The following POLR3E variants were observed in gnomAD, a reference collection of about 807,000 sequenced individuals.
The protein encoded by POLR3E is RNA polymerase III subunit E, also known as DNA-directed RNA polymerase III subunit RPC5.
Under a neutral mutation model 96.6 loss-of-function variants are expected in POLR3E, and 41 were observed. The observed-to-expected ratio is 0.42, with a 90% CI of 0.33 to 0.55. POLR3E has a LOEUF of 0.55. POLR3E is among the 20% of genes least tolerant of loss of function. POLR3E has a pLI of 0.06. For synonymous variants in POLR3E, 396 were observed against 383.6 expected (o/e 1.03, Z -0.38); for missense variants, 849 against 952.1 (o/e 0.89, Z 1.43).
intron 1 of POLR3E, among the ~76,000 whole-genome samples, chr16:22,301,983 T>C (rs987236078): frequency 3.3e-5 from 5 of 151,868 alleles, no homozygotes; most frequent in Non-Finnish European, 7.4e-5. Context: ...TGGGAACTGC[T>C]GAGGCCTGGG....
intron 20 of POLR3E, among the ~76,000 whole-genome samples, chr16:22,332,400 T>TAGTC (rs2141828466): frequency 6.6e-6 from 1 of 152,296 alleles, no homozygotes; most frequent in Non-Finnish European, 1.5e-5. Flanking sequence ...TCAAACAATA[T>TAGTC]AGTCACAGTG....
At position 22,308,340 on chromosome 16, in the gene POLR3E, C is replaced by T. The variant is rs1598243499; in HGVS notation, c.165+115C>T. On this transcript the variant is annotated intron_variant, in intron 4 of 20. Transcript: ENST00000299853. ...ATTGGAGAAGTAGGAGAACCAGCAA[C>T]TCCCAGGCCCTTGAAAGCTGAAGAA... 3.7e-6 allele frequency: 3 copies of T among 802,888 alleles called. 1 individual carries two copies. The highest frequency in any genetic ancestry group is 2.8e-5 in the South Asian group (2 of 71,084). The allele number at this position is 802,888 out of a possible 1,614,324, so 49.7% of individuals were successfully genotyped here.
At chr16:22,309,548 A>G (rs765928319) in intron 6 of POLR3E, 38 bp downstream of exon 6, 108 of 1,050,682 alleles carry the variant, frequency 1.0e-4, no homozygotes, top group Non-Finnish European at 1.5e-4. Flanking sequence ...GGGACATGGC[A>G]TTGGGGGGGG....
intron 18 of POLR3E, chr16:22,327,220 G>A (rs1303783302): frequency 6.6e-6 from 1 of 152,326 alleles, no homozygotes; most frequent in Non-Finnish European, 1.5e-5. Flanking sequence ...CTGAGGCCAA[G>A]GCCCATCCCT....
intron 10 of POLR3E, 48 bp downstream of exon 10, chr16:22,316,734 C>T: frequency 1.4e-6 from 2 of 1,458,402 alleles, no homozygotes; most frequent in Admixed American, 3.3e-5. Context: ...GCCCAGGGTC[C>T]CCAGGGGTCC....
intron 2 of POLR3E, among the ~76,000 whole-genome samples, chr16:22,303,955 C>T (rs2048082628): frequency 1.3e-5 from 2 of 151,318 alleles, no homozygotes; most frequent in Middle Eastern, 3.4e-3. Flanking sequence ...GGATTACGGG[C>T]GCCCGCCACT....
At position 22,328,946 on chromosome 16, in the gene POLR3E, T is replaced by A. The variant is rs1435530667; in HGVS notation, c.1944+359T>A. 2.3e-5 allele frequency: 6 copies of A among 261,794 alleles called. No homozygotes were observed. In the Admixed American group the frequency reaches 2.9e-4, roughly 13 times the overall value. 16.2% of individuals were successfully genotyped at this position (261,794 alleles called of 1,614,324 possible). A position where few individuals can be genotyped will look rare whatever the true frequency, so the allele number is the denominator to read the frequency against. On this transcript the variant is annotated intron_variant, in intron 19 of 20. Coordinates refer to ENST00000299853, the MANE Select transcript of POLR3E (RefSeq NM_018119.4). The stretch of plus-strand genomic sequence containing the variant: ...TTTGACACCAGCCTGACCAATATGG[T>A]GAAACCCCATCTCTACTAAAAATGC...
In POLR3E at chr16:22,330,815, C is replaced by CA. The variant is rs772132687; in HGVS notation, c.1945-1236dup. Among the ~76,000 whole-genome samples the CA allele has an allele frequency of 3.7e-3, 543 of 148,620 alleles. 7 individuals carry two copies. The highest frequency in any genetic ancestry group is 0.01 in the Middle Eastern group (3 of 288). ...AGTCAGCTGTTTACATGAACCATAGCAAAAAAAAAGGAGAATCAAATCCAT... is the reference window on the plus strand; with the variant it reads ...AGTCAGCTGTTTACATGAACCATAGCAAAAAAAAAAGGAGAATCAAATCCAT... On this transcript the variant is annotated intron_variant, in intron 19 of 20. Coordinates refer to ENST00000299853, the MANE Select transcript of POLR3E (RefSeq NM_018119.4).
At chr16:22,327,097 C>G (rs887579253) in intron 18 of POLR3E, 4 of 152,594 alleles carry the variant, frequency 2.6e-5, no homozygotes, top group Non-Finnish European at 4.4e-5. Flanking sequence ...CCACAAGGCT[C>G]TGCCCAGACC....
chr16:22,303,154 C>T (rs898107552), intron 2 of POLR3E, 150 bp downstream of exon 2: 14 of 761,988 alleles, frequency 1.8e-5, no homozygotes, highest in Admixed American at 2.0e-5. Flanking sequence ...CTGCTGTCCC[C>T]CAGACCCCTG....
At chr16:22,327,339 G>A (rs975866280) in intron 18 of POLR3E, 5 of 152,298 alleles carry the variant, frequency 3.3e-5, no homozygotes, top group African/African-American at 9.7e-5. Context: ...GGCAGAGTTC[G>A]GAGCTCCTGC....
At chr16:22,298,167 T>C (rs2047936032) in intron 1 of POLR3E, among the ~76,000 whole-genome samples, 1 of 152,250 alleles carries the variant, frequency 6.6e-6, no homozygotes, top group South Asian at 2.1e-4. Context: ...AACAAGGTCG[T>C]TCCTTTGGGT....
Position 22,302,922 on chromosome 16 carries a change from C to T in POLR3E, c.-38-9C>T, listed in dbSNP as rs765841054. ...ACTGATGGTCCCAGTCTCTCGCCCT[C>T]CTTTGCAGATCGAGCTGAAGGACTG... On this transcript the variant is annotated splice_polypyrimidine_tract_variant and intron_variant, in intron 1 of 20. Transcript: ENST00000299853. The T allele has an allele frequency of 3.2e-6, 5 of 1,581,176 alleles. No individual in the cohort carries two copies. The highest frequency in any genetic ancestry group is 1.1e-5 in the South Asian group (1 of 90,478).
intron 9 of POLR3E, among the ~76,000 whole-genome samples, chr16:22,316,293 T>C (rs2048354559): frequency 6.6e-6 from 1 of 152,200 alleles, no homozygotes; most frequent in Non-Finnish European, 1.5e-5. Flanking sequence ...TTAGTATATT[T>C]ACAGTCAGTG....
At chr16:22,309,534 G>A (rs376855287) in intron 6 of POLR3E, 24 bp downstream of exon 6, 54 of 1,554,356 alleles carry the variant, frequency 3.5e-5, no homozygotes, top group African/African-American at 1.6e-4. Flanking sequence ...GGTGTCCCGC[G>A]GTGGGGACAT....
Position 22,308,925 on chromosome 16 carries a change from G to T in POLR3E, c.166G>T (p.Val56Leu). Residue 56 changes from valine to leucine, a missense_variant and splice_region_variant, in exon 5 of 21, where the codon GTA becomes TTA. Physicochemically the swap from Val to Leu is conservative, Grantham distance 32. Coordinates refer to ENST00000299853, the MANE Select transcript of POLR3E (RefSeq NM_018119.4). ...SAKIKPKQQK[V>L]ELEMAIDTLN... is the part of the protein sequence containing the mutation. ...TGGTGGGGGTGCTTGGTGCCTCCAG[G>T]TAGAGCTTGAGATGGCCATCGACAC... 1.2e-6 allele frequency: 2 copies of T among 1,610,354 alleles called. No individual in the cohort carries two copies. Among genetic ancestry groups the T allele is most frequent in the South Asian group, 2.2e-5 (2 of 90,978 alleles).
rs929940028 is a variant in POLR3E at position 22,326,442 on chromosome 16, C to G, written c.1866+164C>G. 1.7e-5 allele frequency: 11 copies of G among 662,714 alleles called. No homozygotes were observed. The South Asian group carries it at 1.9e-4, about 11-fold the overall frequency. The allele number at this position is 662,714 out of a possible 1,614,324, so 41.1% of individuals were successfully genotyped here. On this transcript the variant is annotated intron_variant, in intron 18 of 20. Coordinates refer to ENST00000299853, the MANE Select transcript of POLR3E (RefSeq NM_018119.4). ...GTCAGCCTCTCTGAGGCTCTATTCT[C>G]ATGAAATGGGATCATGTTGGGTTTT... is the stretch of plus-strand genomic sequence containing the variant.
At chr16:22,305,991 CCA>C (rs1358493108) in intron 3 of POLR3E, among the ~76,000 whole-genome samples, 1 of 152,160 alleles carries the variant, frequency 6.6e-6, no homozygotes. Context: ...GCAACCAGCG[CCA>C]CAGTCTGTTT....
At chr16:22,317,638 T>TTGTTGTTG (rs1567320844) in intron 12 of POLR3E, among the ~76,000 whole-genome samples, 5 of 151,112 alleles carry the variant, frequency 3.3e-5, no homozygotes, top group African/African-American at 1.2e-4. Context: ...CTAGGGGCTT[T>TTGTTGTTG]TTGTTGTTGT....
Sources: allele counts gnomAD v4.1 joint callset (sites outside exome capture counted in the v4.1 genomes callset), GRCh38; gene constraint gnomAD v4.1.1; transcripts MANE v1.5; gene names NCBI Gene and HGNC (gene_info 2026-07-23, HGNC 2026-07-21).